CCDC7: variants seen among roughly 807,000 people sequenced by gnomAD.
The protein encoded by CCDC7 is coiled-coil domain-containing protein 7.
In CCDC7, 183 loss-of-function variants were observed where a neutral mutation model predicts 196.9. That is an observed-to-expected ratio of 0.93 (90% CI 0.82 to 1.05). The LOEUF (loss-of-function observed/expected upper bound fraction) is 1.05. CCDC7 is among the 50% of genes least tolerant of loss of function. The probability of loss-of-function intolerance (pLI) is 0.00; values close to 1 mark genes in which losing one functional copy is unlikely to be tolerated. For missense variants in CCDC7, 1,540 were observed against 1,482.2 expected (o/e 1.04, Z -0.64); for synonymous variants, 525 against 484.6 (o/e 1.08, Z -1.10).
intron 23 of CCDC7, among the ~76,000 whole-genome samples, chr10:32,689,980 C>G (rs765011370): frequency 6.6e-6 from 1 of 152,170 alleles, no homozygotes; most frequent in East Asian, 1.9e-4. Flanking sequence ...AATGATCCAC[C>G]CGCCTCGGCC....
chr10:32,848,820 C>A, intron 39 of CCDC7, 102 bp downstream of exon 40: 2 of 964,132 alleles, frequency 2.1e-6, no homozygotes, highest in Non-Finnish European at 3.1e-6. Context: ...ACTTTTTTTT[C>A]AGAAATATCT....
chr10:32,852,869 T>C (rs2093615597), intron 40 of CCDC7, among the ~76,000 whole-genome samples: 1 of 152,082 alleles, frequency 6.6e-6, no homozygotes, highest in African/African-American at 2.4e-5. Context: ...CCCAGTGAGC[T>C]AGAAGAAAAA....
chr10:32,668,350 A>G (rs2073285144), intron 21 of CCDC7, among the ~76,000 whole-genome samples: 1 of 152,136 alleles, frequency 6.6e-6, no homozygotes, highest in South Asian at 2.1e-4. Context: ...TCCTAATTGA[A>G]TACCCTTTAT....
chr10:32,465,810 G>A (rs960764272), intron 5 of CCDC7, among the ~76,000 whole-genome samples: 3 of 152,100 alleles, frequency 2.0e-5, no homozygotes, highest in African/African-American at 4.8e-5. Flanking sequence ...GATGCAATGG[G>A]TCAGAAATAT....
chr10:32,479,688 G>A (rs544381023), intron 8 of CCDC7, among the ~76,000 whole-genome samples: 15 of 152,200 alleles, frequency 9.9e-5, no homozygotes, highest in African/African-American at 3.6e-4. Context: ...GTCTTTGTCT[G>A]GCTTTGGTAT....
At chr10:32,597,037 C>T (rs371927132) in intron 18 of CCDC7, among the ~76,000 whole-genome samples, 4 of 152,062 alleles carry the variant, frequency 2.6e-5, no homozygotes, top group African/African-American at 4.8e-5. Context: ...ATCTTTGTGG[C>T]GTTCTCTGTA....
In CCDC7 at chr10:32,845,371, T is replaced by C. The variant is rs781226302; in HGVS notation, c.3436+45T>C. 4.3e-6 allele frequency: 6 copies of C among 1,405,860 alleles called. No individual in the cohort carries two copies. The South Asian group carries it at 7.5e-5, about 17-fold the overall frequency. 87.1% of individuals were successfully genotyped at this position (1,405,860 alleles called of 1,614,324 possible). A position where few individuals can be genotyped will look rare whatever the true frequency, so the allele number is the denominator to read the frequency against. ...ACATCTAATATTTATGGCTGATTGA[T>C]ATTCCCTGAGTTAAATTAAGTATAG... On this transcript the variant is annotated intron_variant, in intron 34 of 41. Transcript: ENST00000639629.
At chr10:32,646,209 C>G (rs1053961878) in intron 20 of CCDC7, among the ~76,000 whole-genome samples, 3 of 149,252 alleles carry the variant, frequency 2.0e-5, no homozygotes, top group African/African-American at 4.9e-5. Context: ...ATTATATAGG[C>G]TTTTGTATGT....
chr10:32,645,099 G>A (rs750508233), intron 20 of CCDC7, among the ~76,000 whole-genome samples: 6 of 152,154 alleles, frequency 3.9e-5, no homozygotes, highest in Non-Finnish European at 7.4e-5. Context: ...ATGAAAAAAT[G>A]TTCAACATCA....
intron 20 of CCDC7, among the ~76,000 whole-genome samples, chr10:32,643,785 A>G (rs760233920): frequency 3.3e-5 from 5 of 151,646 alleles, no homozygotes; most frequent in Non-Finnish European, 5.9e-5. Flanking sequence ...CACTTTCATG[A>G]TTTTTACATG....
At chr10:32,801,331 G>A (rs1438279131) in intron 29 of CCDC7, among the ~76,000 whole-genome samples, 1 of 152,186 alleles carries the variant, frequency 6.6e-6, no homozygotes, top group Non-Finnish European at 1.5e-5. Flanking sequence ...GAGAGATCAG[G>A]CATTTCCAGC....
chr10:32,623,312 G>T (rs2063607424), intron 18 of CCDC7, among the ~76,000 whole-genome samples: 1 of 152,008 alleles, frequency 6.6e-6, no homozygotes, highest in Non-Finnish European at 1.5e-5. Context: ...TTCACAGTTG[G>T]ATCTTTATTG....
At chr10:32,609,501 A>C (rs1564817065) in intron 18 of CCDC7, among the ~76,000 whole-genome samples, 2 of 152,314 alleles carry the variant, frequency 1.3e-5, no homozygotes, top group South Asian at 2.1e-4. Context: ...CATAGGCTAC[A>C]TATACTTGAG....
At chr10:32,501,447 C>T (rs1025752260) in intron 9 of CCDC7, among the ~76,000 whole-genome samples, 2 of 152,122 alleles carry the variant, frequency 1.3e-5, no homozygotes, top group Non-Finnish European at 2.9e-5. Context: ...TGATCCTTTG[C>T]AGTAGAAGAG....
chr10:32,719,947 G>A (rs774182588), intron 25 of CCDC7, among the ~76,000 whole-genome samples: 1 of 152,170 alleles, frequency 6.6e-6, no homozygotes, highest in Non-Finnish European at 1.5e-5. Context: ...CAACCATTGT[G>A]GAAGACAGTG....
intron 13 of CCDC7, among the ~76,000 whole-genome samples, chr10:32,545,995 GAGA>G (rs911979988): frequency 1.3e-5 from 2 of 151,198 alleles, no homozygotes; most frequent in African/African-American, 4.9e-5. Flanking sequence ...CAGAAGAATA[GAGA>G]AGGAGAGGTG....
At chr10:32,580,026 A>G (rs552537272) in intron 16 of CCDC7, among the ~76,000 whole-genome samples, 11 of 152,112 alleles carry the variant, frequency 7.2e-5, no homozygotes, top group South Asian at 2.1e-4. Flanking sequence ...GCAGTTATCA[A>G]TGAAGGACCT....
rs1409411748 is a variant in CCDC7 at position 32,681,776 on chromosome 10, C to CACACAG, written c.2123-4189_2123-4188insGACACA. On this transcript the variant is annotated intron_variant, in intron 21 of 41. Transcript: ENST00000639629. ...ACACACACACACACACACACACACACACACACACAGCTTCATACACACATC... is the reference window on the plus strand; with the variant it reads ...ACACACACACACACACACACACACACACACAGACACACACAGCTTCATACACACATC... Among the ~76,000 whole-genome samples, 7 of 151,342 alleles carry CACACAG rather than the reference C, an allele frequency of 4.6e-5. No homozygotes were observed. In the Middle Eastern group the frequency reaches 0.014, roughly 296 times the overall value.
chr10:32,577,056 A>G (rs1356398633), intron 16 of CCDC7, among the ~76,000 whole-genome samples: 1 of 152,130 alleles, frequency 6.6e-6, no homozygotes, highest in Non-Finnish European at 1.5e-5. Context: ...GTTACCTCAG[A>G]AAAGCATGTG....
Sources: allele counts gnomAD v4.1 joint callset (sites outside exome capture counted in the v4.1 genomes callset), GRCh38; gene constraint gnomAD v4.1.1; transcripts MANE v1.5; gene names NCBI Gene and HGNC (gene_info 2026-07-23, HGNC 2026-07-21).